Variants in DCHS2 observed in about 807,000 individuals in gnomAD.
DCHS2 encodes the protein dachsous cadherin-related 2.
In DCHS2, 142 loss-of-function variants were observed where a neutral mutation model predicts 182.4. That is an observed-to-expected ratio of 0.78 (90% CI 0.68 to 0.89). DCHS2 has a LOEUF of 0.89. DCHS2 is among the 40% of genes least tolerant of loss of function. The pLI is 0.00. For missense variants in DCHS2, 4,319 were observed against 4,198.6 expected, an observed-to-expected ratio of 1.03 and a Z score of -0.79; for synonymous variants, 1,740 against 1,663.3, an observed-to-expected ratio of 1.05 and a Z score of -1.12.
Position 154,480,965 on chromosome 4 carries a change from A to G in DCHS2, c.2052+8339T>C, listed in dbSNP as rs538497162. Among the ~76,000 whole-genome samples the G allele has an allele frequency of 3.2e-4, 48 of 152,338 alleles. No homozygotes were observed. In the East Asian group the frequency reaches 9.1e-3, roughly 29 times the overall value. ...TAATAATATGTTAACAATTATTTTAATAATGTTTCCTTTAATATGCAAAAG... is the reference window on the plus strand; with the variant it reads ...TAATAATATGTTAACAATTATTTTAGTAATGTTTCCTTTAATATGCAAAAG... On this transcript the variant is annotated intron_variant, in intron 1 of 19. Transcript: ENST00000357232.
chr4:154,329,324 G>A (rs1295205811), intron 6 of DCHS2, among the ~76,000 whole-genome samples, 199 bp downstream of exon 6: 2 of 152,196 alleles, frequency 1.3e-5, no homozygotes, highest in African/African-American at 2.4e-5. Flanking sequence ...GAGGTACAAT[G>A]CCAAAGAGCA....
intron 1 of DCHS2, among the ~76,000 whole-genome samples, chr4:154,393,671 A>G (rs1731805286): frequency 7.2e-6 from 1 of 138,154 alleles, no homozygotes. Flanking sequence ...AGTCTTCCAG[A>G]AATGTCCCAC....
intron 16 of DCHS2, among the ~76,000 whole-genome samples, chr4:154,249,314 C>A (rs1732234793): frequency 1.3e-5 from 2 of 151,926 alleles, no homozygotes; most frequent in Admixed American, 6.6e-5. Flanking sequence ...ACAGAAGCAG[C>A]CAACAAACAT....
rs147770216 is a variant in DCHS2, at chr4:154,366,640, T to C, written c.2245-199A>G. Reference sequence around the variant, plus strand: ...GTCATTTCAAAAGAGTGTGTATATATACACACACACACAGACACACACACA... The same window carrying C: ...GTCATTTCAAAAGAGTGTGTATATACACACACACACACAGACACACACACA... On this transcript the variant is annotated intron_variant, in intron 2 of 19. Transcript: ENST00000357232. Among the ~76,000 whole-genome samples, 912 of 151,752 alleles carry C rather than the reference T, an allele frequency of 6.0e-3. 7 individuals carry two copies. Among genetic ancestry groups the C allele is most frequent in the African/African-American group, 0.021 (878 of 41,384 alleles).
At chr4:154,328,311 A>T (rs1341461614) in intron 6 of DCHS2, 119 bp from the exon 7 acceptor site, 5 of 644,396 alleles carry the variant, frequency 7.8e-6, no homozygotes, top group African/African-American at 7.5e-5. Flanking sequence ...TAAAATCCAC[A>T]TATAATTCAA....
rs1734278552 is a variant in DCHS2, at chr4:154,446,193, A to G, written c.2052+43111T>C. On this transcript the variant is annotated intron_variant, in intron 1 of 19. Coordinates refer to ENST00000357232, the MANE Select transcript of DCHS2 (RefSeq NM_001358235.2). The stretch of plus-strand genomic sequence containing the variant: ...ATAAGACTTAAAAGTCTAATCCATA[A>G]TAGTTTACATTAGAAATCTGAAGGT... Among the ~76,000 whole-genome samples, 3 of 152,346 alleles carry G rather than the reference A, an allele frequency of 2.0e-5. No individual in the cohort carries two copies. The South Asian group carries it at 6.2e-4, about 32-fold the overall frequency.
Position 154,491,592 on chromosome 4 carries a change from T to G in DCHS2, c.-237A>C. 1 of 1,341,168 alleles carries G rather than the reference T, an allele frequency of 7.5e-7. No homozygotes were observed. Among genetic ancestry groups the G allele is most frequent in the East Asian group, 2.9e-5 (1 of 34,810 alleles). 83.1% of individuals were successfully genotyped at this position (1,341,168 alleles called of 1,614,324 possible). A position where few individuals can be genotyped will look rare whatever the true frequency, so the allele number is the denominator to read the frequency against. On this transcript the variant is annotated 5_prime_UTR_variant, in exon 1 of 20. Coordinates refer to ENST00000357232, the MANE Select transcript of DCHS2 (RefSeq NM_001358235.2). ...AGCTGCCTCTGCCGCGGCAGCCACC[T>G]CTTCTGCCCCTGGATTTCTTTAAAC...
At chr4:154,265,921 A>G (rs1181909748) in intron 14 of DCHS2, among the ~76,000 whole-genome samples, 1 of 152,124 alleles carries the variant, frequency 6.6e-6, no homozygotes, top group Non-Finnish European at 1.5e-5. Flanking sequence ...CAAACCCTAT[A>G]TATACTATGC....
intron 3 of DCHS2, 186 bp from the exon 4 acceptor site, chr4:154,335,290 A>G: frequency 1.7e-6 from 1 of 581,428 alleles, no homozygotes; most frequent in Non-Finnish European, 3.1e-6. Flanking sequence ...TTTGGATGAC[A>G]TTAACATTTA....
chr4:154,380,241 T>C (rs1347678325), intron 1 of DCHS2, among the ~76,000 whole-genome samples: 1 of 152,146 alleles, frequency 6.6e-6, no homozygotes, highest in African/African-American at 2.4e-5. Context: ...TATCTCATAT[T>C]CTGTAGCAAA....
At chr4:154,259,218 C>T (rs990360613) in intron 15 of DCHS2, among the ~76,000 whole-genome samples, 7 of 152,042 alleles carry the variant, frequency 4.6e-5, no homozygotes, top group Non-Finnish European at 1.0e-4. Flanking sequence ...GGCTGTGTCT[C>T]CTCTTTTCAC....
chr4:154,363,215 T>C (rs6841363), intron 3 of DCHS2, among the ~76,000 whole-genome samples: 151,765 of 152,346 alleles, frequency 1, 75,596 homozygotes, highest in East Asian at 1. Context: ...CTTCTGAGTA[T>C]ATATCCAAAG....
At chr4:154,341,967 A>G (rs1729132891) in intron 3 of DCHS2, among the ~76,000 whole-genome samples, 1 of 152,156 alleles carries the variant, frequency 6.6e-6, no homozygotes, top group African/African-American at 2.4e-5. Context: ...ATAACCATCA[A>G]AAGAAATCAA....
At chr4:154,281,979 T>C (rs937734019) in intron 13 of DCHS2, among the ~76,000 whole-genome samples, 1 of 152,092 alleles carries the variant, frequency 6.6e-6, no homozygotes, top group African/African-American at 2.4e-5. Context: ...TATCCACATA[T>C]GAAATACTGA....
chr4:154,471,700 A>G (rs1249700942), intron 1 of DCHS2, among the ~76,000 whole-genome samples: 1 of 152,070 alleles, frequency 6.6e-6, no homozygotes, highest in Non-Finnish European at 1.5e-5. Flanking sequence ...CGTGCAGAGC[A>G]TTTGTTTTGT....
chr4:154,363,566 G>T lies in DCHS2; in HGVS notation c.2476+2644C>A, dbSNP rs140887460. On this transcript the variant is annotated intron_variant, in intron 3 of 19. Transcript: ENST00000357232. ...GTGGTTGCCAAGGGCTGGGGTAATT[G>T]GAGATGTTGCCCAAAGGTTACAAAG... Among the ~76,000 whole-genome samples the T allele has an allele frequency of 3.4e-4, 52 of 152,248 alleles. No homozygotes were observed. The East Asian group carries it at 8.7e-3, about 25-fold the overall frequency.
At chr4:154,483,384 A>G (rs966395506) in intron 1 of DCHS2, among the ~76,000 whole-genome samples, 1 of 152,210 alleles carries the variant, frequency 6.6e-6, no homozygotes, top group Non-Finnish European at 1.5e-5. Flanking sequence ...TAAGAGGTAG[A>G]GTTGTTCTAA....
chr4:154,334,710 T>A, intron 4 of DCHS2, 158 bp downstream of exon 4: 1 of 612,230 alleles, frequency 1.6e-6, no homozygotes, highest in South Asian at 2.2e-5. Context: ...ACAGAAACAA[T>A]GTTGGAAGAA....
intron 1 of DCHS2, among the ~76,000 whole-genome samples, chr4:154,470,002 T>C (rs1011852990): frequency 2.6e-5 from 4 of 152,214 alleles, no homozygotes; most frequent in Admixed American, 2.6e-4. Flanking sequence ...CTAAAAGTTG[T>C]TGACTACCAT....
Sources: allele counts gnomAD v4.1 joint callset (sites outside exome capture counted in the v4.1 genomes callset), GRCh38; gene constraint gnomAD v4.1.1; transcripts MANE v1.5; gene names NCBI Gene and HGNC (gene_info 2026-07-23, HGNC 2026-07-21).